ATM: variants seen among roughly 807,000 people sequenced by gnomAD.
ATM encodes serine-protein kinase ATM.
Under a neutral mutation model 387.0 loss-of-function variants are expected in ATM, and 308 were observed. The ratio of observed to expected loss-of-function variants is 0.80; its 90% CI spans 0.73 to 0.87. The LOEUF (loss-of-function observed/expected upper bound fraction) is 0.87. Ranked by LOEUF, ATM falls within the 40% of genes least tolerant of loss-of-function variation. ATM has a pLI of 0.00. For missense variants in ATM, 3,312 were observed against 3,560.9 expected (o/e 0.93, Z 1.78); for synonymous variants, 1,156 against 1,187.3 (o/e 0.97, Z 0.54).
At chr11:108,335,382 A>G (rs919555189) in intron 55 of ATM, 1 of 971,988 alleles carries the variant, frequency 1.0e-6, no homozygotes, top group African/African-American at 1.7e-5. Context: ...CTTCTTATGA[A>G]AAAAAATACT....
chr11:108,235,605 G>T (rs1282295094), intron 4 of ATM, 65 bp from the exon 5 acceptor site: 55 of 1,340,986 alleles, frequency 4.1e-5, no homozygotes, highest in Non-Finnish European at 5.1e-5. Flanking sequence ...TTAAATAGTT[G>T]CCATTCCAAG....
At chr11:108,317,616 TATATATATATA>T in intron 43 of ATM, 95 bp downstream of exon 43, 1 of 9,616 alleles carries the variant, frequency 1.0e-4, no homozygotes. Context: ...GGAGTTGTTT[TATATATATATA>T]TATATATATA....
intron 47 of ATM, 70 bp from the exon 48 acceptor site, chr11:108,327,575 G>A (rs879167446): frequency 2.0e-5 from 26 of 1,291,970 alleles, no homozygotes; most frequent in Admixed American, 1.1e-4. Flanking sequence ...TTTTTTCCCC[G>A]TACATGAAGG....
chr11:108,360,508 G>T (rs2090598865), intron 61 of ATM, among the ~76,000 whole-genome samples: 1 of 129,168 alleles, frequency 7.7e-6, no homozygotes, highest in Non-Finnish European at 1.6e-5. Flanking sequence ...GAGAATTTTA[G>T]ACCAATATCC....
Position 108,280,980 on chromosome 11 carries a change from T to TTTA in ATM, c.3403-15_3403-14insTTA. 1 of 1,560,986 alleles carries TTTA rather than the reference T, an allele frequency of 6.4e-7. No homozygotes were observed. The highest frequency in any genetic ancestry group is 8.8e-7 in the Non-Finnish European group (1 of 1,142,128). ...TACATTTTACATTACATTTTTTTTT[T>TTTA]AATTTCTTTTTAAGTCCCATAGTGC... On this transcript the variant is annotated splice_polypyrimidine_tract_variant and intron_variant, in intron 23 of 62. Transcript: ENST00000675843.
At chr11:108,325,984 T>C in intron 46 of ATM, 74 bp from the exon 47 acceptor site, 1 of 1,304,790 alleles carries the variant, frequency 7.7e-7, no homozygotes, top group Non-Finnish European at 1.1e-6. Flanking sequence ...GTTGCTGCTT[T>C]CATTATTATT....
rs765253087 is a variant in ATM at position 108,368,288 on chromosome 11, CAAAA to C, written c.*2794_*2797del. On this transcript the variant is annotated 3_prime_UTR_variant, in exon 63 of 63. Coordinates refer to ENST00000675843, the MANE Select transcript of ATM (RefSeq NM_000051.4). ...TTGGCGACAGAGCAAGACTCTGCCT[CAAAA>C]AAAAAAAAAAAAAGGTTTTGGCAAG... The C allele has an allele frequency of 6.8e-4, 66 of 97,600 alleles. No individual in the cohort carries two copies. Among genetic ancestry groups the C allele is most frequent in the Non-Finnish European group, 8.8e-4 (43 of 49,060 alleles). 6.0% of individuals were successfully genotyped at this position (97,600 alleles called of 1,614,324 possible).
In ATM at chr11:108,316,102, G is replaced by T. The variant is rs2136132184; in HGVS notation, c.6187G>T (p.Gly2063Ter). ...AATCCCCTCATCAACACGCCAGGCA[G>T]GAATCATTCAGGTACATTTTTTCCC... ...TAIPSSTRQA[G>*]IIQALQNLGL... is the part of the protein sequence containing the mutation. The change falls in exon 42 of 63, where the codon GGA becomes TGA. Residue 2063 changes from glycine to a stop codon, truncating the protein, a stop_gained. Coordinates refer to ENST00000675843, the MANE Select transcript of ATM (RefSeq NM_000051.4). LOFTEE classifies it high-confidence loss of function. The T allele has an allele frequency of 6.2e-7, 1 of 1,613,988 alleles. No homozygotes were observed. Among genetic ancestry groups the T allele is most frequent in the Non-Finnish European group, 8.5e-7 (1 of 1,179,926 alleles).
chr11:108,268,519 G>T lies in ATM; in HGVS notation c.2748G>T (p.Val916=), dbSNP rs1050470790. 4 of 1,613,960 alleles carry T rather than the reference G, an allele frequency of 2.5e-6. No individual in the cohort carries two copies. The Admixed American group carries it at 6.7e-5, about 27-fold the overall frequency. Residue 916 remains valine (V), a synonymous_variant, in exon 18 of 63, where the codon GTG becomes GTT. Coordinates refer to ENST00000675843, the MANE Select transcript of ATM (RefSeq NM_000051.4). The stretch of plus-strand genomic sequence containing the variant: ...TAACTACTGCTCAGACCAATACTGT[G>T]TCCTTTAGGGCAGCTGATATTCGGA... ...LCVTTAQTNT[V]SFRAADIRRK... is the part of the protein sequence containing the mutation.
intron 31 of ATM, among the ~76,000 whole-genome samples, chr11:108,293,886 A>T (rs1203020404): frequency 1.6e-3 from 166 of 103,464 alleles, no homozygotes; most frequent in Admixed American, 4.0e-3. Flanking sequence ...TCAAAAAAAA[A>T]AAAAAAAAAT....
chr11:108,353,685 C>A, intron 59 of ATM, 81 bp from the exon 60 acceptor site: 1 of 1,172,300 alleles, frequency 8.5e-7, no homozygotes, highest in Non-Finnish European at 1.3e-6. Flanking sequence ...GGTTTCTTGC[C>A]TTTGTAAAGT....
chr11:108,314,823 A>G (rs1367968787), intron 40 of ATM, among the ~76,000 whole-genome samples: 1 of 152,200 alleles, frequency 6.6e-6, no homozygotes, highest in Non-Finnish European at 1.5e-5. Context: ...TATTGAGAAA[A>G]TGATAAGGAA....
intron 8 of ATM, among the ~76,000 whole-genome samples, chr11:108,248,056 A>C (rs774152591): frequency 6.6e-6 from 1 of 152,152 alleles, no homozygotes; most frequent in Admixed American, 6.5e-5. Context: ...ACAATATGTG[A>C]GTCTTTTGTG....
chr11:108,335,576 T>C (rs903302296), intron 55 of ATM, among the ~76,000 whole-genome samples: 10 of 152,236 alleles, frequency 6.6e-5, no homozygotes, highest in Non-Finnish European at 1.5e-4. Flanking sequence ...AGTGCTGTTT[T>C]ACTCAGGTGT....
intron 9 of ATM, 79 bp downstream of exon 9, chr11:108,249,181 C>G: frequency 6.6e-7 from 1 of 1,510,246 alleles, no homozygotes; most frequent in Non-Finnish European, 9.1e-7. Context: ...CAGTGGAATC[C>G]TTTCATCTCA....
chr11:108,331,108 G>A, intron 50 of ATM: 1 of 994,504 alleles, frequency 1.0e-6, no homozygotes, highest in Non-Finnish European at 1.2e-6. Context: ...TCATTTTATT[G>A]TACACTGACT....
intron 5 of ATM, among the ~76,000 whole-genome samples, chr11:108,240,033 G>A (rs1195988412): frequency 1.3e-5 from 2 of 152,144 alleles, no homozygotes; most frequent in African/African-American, 4.8e-5. Context: ...GACACACACA[G>A]CATGCCCTAC....
intron 61 of ATM, chr11:108,355,137 T>A: frequency 2.1e-6 from 1 of 475,516 alleles, no homozygotes; most frequent in South Asian, 2.5e-5. Flanking sequence ...AATCAATTCT[T>A]TGACATTTAG....
chr11:108,252,684 G>GA, intron 11 of ATM, 133 bp from the exon 12 acceptor site: 1 of 674,468 alleles, frequency 1.5e-6, no homozygotes, highest in South Asian at 1.8e-5. Flanking sequence ...ATTTAGTATA[G>GA]ATGAAAGCAA....
Sources: allele counts gnomAD v4.1 joint callset (sites outside exome capture counted in the v4.1 genomes callset), GRCh38; gene constraint gnomAD v4.1.1; transcripts MANE v1.5; gene names NCBI Gene and HGNC (gene_info 2026-07-23, HGNC 2026-07-21).